The following NFIA variants were observed in gnomAD, a reference collection of about 807,000 sequenced individuals.
NFIA encodes nuclear factor 1 A-type.
In NFIA, 8 loss-of-function variants were observed where a neutral mutation model predicts 62.8. That is an observed-to-expected ratio of 0.13 (90% CI 0.07 to 0.23). The LOEUF (loss-of-function observed/expected upper bound fraction) is 0.23. Ranked by LOEUF, NFIA falls within the 10% of genes least tolerant of loss-of-function variation. The probability of loss-of-function intolerance (pLI) is 1.00; values close to 1 mark genes in which losing one functional copy is unlikely to be tolerated. For synonymous variants in NFIA, 235 were observed against 238.1 expected, an observed-to-expected ratio of 0.99 and a Z score of 0.12; for missense variants, 410 against 642.1, an observed-to-expected ratio of 0.64 and a Z score of 3.91.
chr1:61,082,083 G>A, upstream of NFIA: 1 of 1,528,380 alleles, frequency 6.5e-7, no homozygotes, highest in Non-Finnish European at 8.8e-7. Context: ...GGGGGGATGG[G>A]GACGAGGAAA....
chr1:61,225,534 C>T (rs923434988), intron 2 of NFIA, among the ~76,000 whole-genome samples: 2 of 150,872 alleles, frequency 1.3e-5, no homozygotes, highest in Admixed American at 1.3e-4. Context: ...CAGCTGTGAG[C>T]CATCGCGCCC....
At chr1:61,139,370 G>T (rs1407949238) in intron 2 of NFIA, among the ~76,000 whole-genome samples, 1 of 152,200 alleles carries the variant, frequency 6.6e-6, no homozygotes, top group Admixed American at 6.5e-5. Context: ...GTCCGGGCAG[G>T]CTTTGCTGAG....
At chr1:61,203,456 C>T (rs1280363039) in intron 2 of NFIA, among the ~76,000 whole-genome samples, 1 of 152,150 alleles carries the variant, frequency 6.6e-6, no homozygotes, top group Admixed American at 6.5e-5. Flanking sequence ...GCCCTCCTCC[C>T]CCTTTTCTAT....
chr1:61,425,946 A>G (rs928826254), intron 9 of NFIA, among the ~76,000 whole-genome samples: 2 of 152,210 alleles, frequency 1.3e-5, no homozygotes, highest in South Asian at 2.1e-4. Context: ...ATGGTTTTCT[A>G]TCTCCTTCCT....
intron 2 of NFIA, among the ~76,000 whole-genome samples, chr1:61,261,643 G>A (rs1191666615): frequency 6.6e-6 from 1 of 152,132 alleles, no homozygotes; most frequent in Non-Finnish European, 1.5e-5. Flanking sequence ...GAATAATAAA[G>A]TACTCTAGGA....
At chr1:61,213,090 C>T (rs1268026714) in intron 2 of NFIA, among the ~76,000 whole-genome samples, 4 of 151,906 alleles carry the variant, frequency 2.6e-5, no homozygotes, top group Non-Finnish European at 5.9e-5. Context: ...GTGACTGCAT[C>T]GAAAGAAAAA....
chr1:61,152,478 G>T (rs1648490408), intron 2 of NFIA, among the ~76,000 whole-genome samples: 1 of 152,044 alleles, frequency 6.6e-6, no homozygotes, highest in African/African-American at 2.4e-5. Flanking sequence ...TATAAATAAT[G>T]ATCTAAGCTG....
intron 2 of NFIA, among the ~76,000 whole-genome samples, chr1:61,206,020 A>C (rs938484007): frequency 6.8e-6 from 1 of 147,802 alleles, no homozygotes; most frequent in Non-Finnish European, 1.5e-5. Flanking sequence ...GGCTCAACTG[A>C]TCCTCCCTCC....
intron 2 of NFIA, among the ~76,000 whole-genome samples, chr1:61,233,883 A>G (rs1307398164): frequency 6.6e-6 from 1 of 152,072 alleles, no homozygotes; most frequent in African/African-American, 2.4e-5. Flanking sequence ...AAGCTACAAA[A>G]TTGGTTTCCA....
intron 3 of NFIA, among the ~76,000 whole-genome samples, chr1:61,278,159 A>G (rs890975954): frequency 1.3e-5 from 2 of 152,240 alleles, no homozygotes; most frequent in African/African-American, 4.8e-5. Context: ...ATAAATATCT[A>G]AATTTTCTGT....
At chr1:61,135,118 C>T (rs1369258288) in intron 2 of NFIA, among the ~76,000 whole-genome samples, 1 of 152,122 alleles carries the variant, frequency 6.6e-6, no homozygotes, top group East Asian at 1.9e-4. Flanking sequence ...TAACACATTG[C>T]TTTAAATTAG....
At chr1:61,449,431 C>T (rs1053129676) in intron 10 of NFIA, among the ~76,000 whole-genome samples, 2 of 152,186 alleles carry the variant, frequency 1.3e-5, no homozygotes, top group East Asian at 3.8e-4. Context: ...GGGATGAAAA[C>T]AGGTAATTAA....
intron 4 of NFIA, among the ~76,000 whole-genome samples, chr1:61,344,963 G>A (rs1182409104): frequency 6.6e-6 from 1 of 152,146 alleles, no homozygotes; most frequent in Non-Finnish European, 1.5e-5. Flanking sequence ...CAGAAGAGCA[G>A]GTCATTAAGA....
intron 1 of NFIA, among the ~76,000 whole-genome samples, chr1:61,083,699 G>C (rs865964708): frequency 6.6e-6 from 1 of 151,472 alleles, no homozygotes; most frequent in African/African-American, 2.4e-5. Context: ...GTAGCGCCGG[G>C]CAGAGTTGGG....
intron 2 of NFIA, among the ~76,000 whole-genome samples, chr1:61,241,456 A>G (rs1655346004): frequency 6.6e-6 from 1 of 152,170 alleles, no homozygotes; most frequent in Non-Finnish European, 1.5e-5. Flanking sequence ...CTGATATCAC[A>G]TTGTATTGTT....
At chr1:61,371,907 C>T (rs1163768107) in intron 6 of NFIA, among the ~76,000 whole-genome samples, 1 of 152,084 alleles carries the variant, frequency 6.6e-6, no homozygotes, top group Admixed American at 6.6e-5. Flanking sequence ...CACAAGTTTC[C>T]TCACAAGTGC....
chr1:61,407,579 G>A (rs1489669964), intron 9 of NFIA, among the ~76,000 whole-genome samples: 1 of 152,144 alleles, frequency 6.6e-6, no homozygotes, highest in Non-Finnish European at 1.5e-5. Context: ...CTAGGTGATG[G>A]ATGCCCTAGC....
chr1:61,153,715 A>G lies in NFIA; in HGVS notation c.559+65035A>G, dbSNP rs551658059. Reference sequence around the variant, plus strand: ...TCCGAGGTCTTCTGCCTTATTAGACATGTGATAGACAAAGGATTCTAGGTG... The same window carrying G: ...TCCGAGGTCTTCTGCCTTATTAGACGTGTGATAGACAAAGGATTCTAGGTG... On this transcript the variant is annotated intron_variant, in intron 2 of 10. Transcript: ENST00000403491. 2.6e-5 allele frequency among the ~76,000 whole-genome samples: 4 copies of G among 152,324 alleles called. No individual in the cohort carries two copies. The South Asian group carries it at 6.2e-4, about 24-fold the overall frequency.
intron 2 of NFIA, among the ~76,000 whole-genome samples, chr1:61,089,344 AT>A (rs1646276279): frequency 6.6e-6 from 1 of 152,296 alleles, no homozygotes; most frequent in Middle Eastern, 3.4e-3. Flanking sequence ...GCTATTGATA[AT>A]TGATGTAGTG....
Sources: gnomAD v4.1 joint callset for allele counts (sites outside exome capture counted in the v4.1 genomes callset) on GRCh38, gnomAD v4.1.1 for gene constraint, MANE v1.5 for transcripts, NCBI Gene and HGNC (gene_info 2026-07-23, HGNC 2026-07-21) for gene names.